Variants in RNF17 observed in about 807,000 individuals in gnomAD.
RNF17 encodes ring finger protein 17.
Under a neutral mutation model 200.5 loss-of-function variants are expected in RNF17, and 31 were observed. The ratio of observed to expected loss-of-function variants is 0.15; its 90% CI spans 0.12 to 0.21. The LOEUF (loss-of-function observed/expected upper bound fraction) is 0.21. Among genes scored for constraint, RNF17 ranks in the 10% least tolerant of loss-of-function variants. The pLI is 1.00. For missense variants in RNF17, 1,628 were observed against 1,905.1 expected, an observed-to-expected ratio of 0.85 and a Z score of 2.71; for synonymous variants, 606 against 637.8, an observed-to-expected ratio of 0.95 and a Z score of 0.75.
rs1454618219 is a variant in RNF17 at position 24,868,665 on chromosome 13, C to T, written c.4227C>T (p.Ser1409=). 2 of 1,609,302 alleles carry T rather than the reference C, an allele frequency of 1.2e-6. No homozygotes were observed. The highest frequency in any genetic ancestry group is 1.7e-6 in the Non-Finnish European group (2 of 1,175,900). The part of the protein sequence containing the change: ...LPPYLSSSLP[S]PGELYAVQVK... ...CATATTTGTCTTCATCTCTGCCTTC[C>T]CCAGGAGAACTCTATGCTGTTCAAG... is the stretch of plus-strand genomic sequence containing the variant. The change falls in exon 31 of 36, where the codon TCC becomes TCT. Residue 1409 remains serine, a synonymous_variant. Transcript: ENST00000255324.
At chr13:24,789,527 A>G in intron 8 of RNF17, 103 bp downstream of exon 8, 1 of 990,140 alleles carries the variant, frequency 1.0e-6, no homozygotes, top group East Asian at 2.4e-5. Flanking sequence ...TTTGGGTCAC[A>G]AATGTTTACT....
intron 7 of RNF17, among the ~76,000 whole-genome samples, chr13:24,789,108 C>T (rs1038318130): frequency 1.3e-5 from 2 of 152,136 alleles, no homozygotes; most frequent in African/African-American, 2.4e-5. Context: ...CAAAATGAAT[C>T]TGATCGAGTT....
rs145540511 is a variant in RNF17 at position 24,823,047 on chromosome 13, C to T, written c.2092-2572C>T. On this transcript the variant is annotated intron_variant, in intron 15 of 35. Coordinates refer to ENST00000255324, the MANE Select transcript of RNF17 (RefSeq NM_031277.3). ...ATAGTGGTGATGAACTCCCATAGCT[C>T]TTGTTTGGGATTAAGAGAGTTGTGT... Among the ~76,000 whole-genome samples, 971 of 152,146 alleles carry T rather than the reference C, an allele frequency of 6.4e-3. 7 individuals carry two copies. Among genetic ancestry groups the T allele is most frequent in the Non-Finnish European group, 0.011 (752 of 67,998 alleles).
the RNF17 span, chr13:24,885,207 A>C: frequency 2.9e-6 from 3 of 1,045,532 alleles, no homozygotes; most frequent in Non-Finnish European, 3.0e-6. Context: ...TTTAGATTCT[A>C]TGTGTTTCAA....
At position 24,877,054 on chromosome 13, in the gene RNF17, C is replaced by G. The variant is rs1221552302; in HGVS notation, c.4641C>G (p.Leu1547=). The G allele has an allele frequency of 1.2e-6, 2 of 1,613,226 alleles. No homozygotes were observed. The highest frequency in any genetic ancestry group is 3.3e-4 in the Middle Eastern group (2 of 6,058). ...ATCCAGCTCGAGCCATAAAGGTTCT[C>G]TTGGCAGGGTTTAAACCTCCCTTAA... ...MRYPARAIKV[L]LAGFKPPLRD... is the part of the protein sequence containing the mutation. The change falls in exon 34 of 36, where the codon CTC becomes CTG. Residue 1547 remains leucine (L), a synonymous_variant. Transcript: ENST00000255324.
At position 24,823,096 on chromosome 13, in the gene RNF17, C is replaced by T. The variant is rs541384239; in HGVS notation, c.2092-2523C>T. ...GTTCTTTTTTTAAAAGAAAAAAAAA[C>T]GGAGTCTGGCTCTGTCACCCACACT... On this transcript the variant is annotated intron_variant, in intron 15 of 35. Coordinates refer to ENST00000255324, the MANE Select transcript of RNF17 (RefSeq NM_031277.3). Among the ~76,000 whole-genome samples, 19 of 151,862 alleles carry T rather than the reference C, an allele frequency of 1.3e-4. No homozygotes were observed. The East Asian group carries it at 3.5e-3, about 28-fold the overall frequency.
chr13:24,748,535 G>T, the RNF17 span, among the ~76,000 whole-genome samples: 1 of 152,188 alleles, frequency 6.6e-6, no homozygotes, highest in East Asian at 1.9e-4. Flanking sequence ...TTATTTTGCA[G>T]ATTTAATCTG....
chr13:24,832,151 A>G (rs1054203088), intron 18 of RNF17, among the ~76,000 whole-genome samples, 173 bp downstream of exon 18: 2 of 152,226 alleles, frequency 1.3e-5, no homozygotes, highest in African/African-American at 2.4e-5. Context: ...CTCTAAAGTC[A>G]TCAGGACAAA....
At chr13:24,832,073 A>G in intron 18 of RNF17, 95 bp downstream of exon 18, 1 of 851,868 alleles carries the variant, frequency 1.2e-6, no homozygotes, top group South Asian at 2.0e-5. Flanking sequence ...TCAGTGTGCC[A>G]TCAGTAGTGG....
chr13:24,878,259 T>G (rs1419550831), intron 34 of RNF17, among the ~76,000 whole-genome samples: 1 of 152,250 alleles, frequency 6.6e-6, no homozygotes, highest in Non-Finnish European at 1.5e-5. Flanking sequence ...TGCTATTGCA[T>G]GTGCAGAGTG....
chr13:24,880,543 A>G (rs950015475), downstream of RNF17, among the ~76,000 whole-genome samples: 3 of 152,156 alleles, frequency 2.0e-5, no homozygotes, highest in Admixed American at 2.0e-4. Context: ...CTGTCACACA[A>G]TTTTTATTTT....
chr13:24,811,717 T>C (rs1354765458), intron 15 of RNF17, among the ~76,000 whole-genome samples: 1 of 148,426 alleles, frequency 6.7e-6, no homozygotes, highest in Non-Finnish European at 1.5e-5. Context: ...GGAGAGGCGC[T>C]CTGCTTTTTA....
intron 15 of RNF17, among the ~76,000 whole-genome samples, chr13:24,813,612 A>G (rs1033720835): frequency 1.3e-5 from 2 of 151,982 alleles, no homozygotes; most frequent in Non-Finnish European, 2.9e-5. Context: ...CGTGTAGTCA[A>G]ATATTTGCGT....
At chr13:24,845,133 C>A (rs1891115709) in intron 22 of RNF17, 54 bp downstream of exon 22, 2 of 913,758 alleles carry the variant, frequency 2.2e-6, no homozygotes, top group South Asian at 1.5e-5. Context: ...TAAATGCGTT[C>A]TCGTCAGTTT....
At chr13:24,806,100 T>C (rs1281113186) in intron 15 of RNF17, among the ~76,000 whole-genome samples, 2 of 152,154 alleles carry the variant, frequency 1.3e-5, no homozygotes, top group Non-Finnish European at 2.9e-5. Flanking sequence ...TGTGTTCTCA[T>C]TGTTTAACTC....
chr13:24,839,349 A>T (rs1890364883), intron 18 of RNF17, among the ~76,000 whole-genome samples: 1 of 152,210 alleles, frequency 6.6e-6, no homozygotes, highest in Non-Finnish European at 1.5e-5. Flanking sequence ...CCATCAAAAT[A>T]CCACCATCAT....
chr13:24,863,736 T>A (rs1893337552), intron 28 of RNF17, among the ~76,000 whole-genome samples: 1 of 152,204 alleles, frequency 6.6e-6, no homozygotes, highest in Non-Finnish European at 1.5e-5. Context: ...AATTTTTAGT[T>A]TGTCTAGACA....
intron 22 of RNF17, among the ~76,000 whole-genome samples, chr13:24,848,339 C>T (rs1226574481): frequency 6.6e-6 from 1 of 152,024 alleles, no homozygotes; most frequent in Non-Finnish European, 1.5e-5. Flanking sequence ...ACCCTTTTAC[C>T]ATTCTTAAGT....
chr13:24,838,168 A>G (rs1300186031), intron 18 of RNF17, among the ~76,000 whole-genome samples: 1 of 152,196 alleles, frequency 6.6e-6, no homozygotes, highest in Non-Finnish European at 1.5e-5. Flanking sequence ...GAACAGACCA[A>G]TAACAAGCAG....
Sources: gnomAD v4.1 joint callset for allele counts (sites outside exome capture counted in the v4.1 genomes callset) on GRCh38, gnomAD v4.1.1 for gene constraint, MANE v1.5 for transcripts, NCBI Gene and HGNC (gene_info 2026-07-23, HGNC 2026-07-21) for gene names.